The following KRT85 variants were observed in gnomAD, a reference collection of about 807,000 sequenced individuals.
KRT85 encodes keratin 85, also known as keratin, type II cuticular Hb5.
Under a neutral mutation model 53.7 loss-of-function variants are expected in KRT85, and 39 were observed. The ratio of observed to expected loss-of-function variants is 0.73; its 90% CI spans 0.56 to 0.95. The LOEUF is 0.95. Ranked by LOEUF, KRT85 falls within the 40% of genes least tolerant of loss-of-function variation. The pLI, the probability that KRT85 is intolerant of heterozygous loss-of-function variation, is 0.00. For missense variants in KRT85, 668 were observed against 686.0 expected, an observed-to-expected ratio of 0.97 and a Z score of 0.29; for synonymous variants, 291 against 277.5, an observed-to-expected ratio of 1.05 and a Z score of -0.48.
chr12:52,360,470 G>A lies in KRT85; in HGVS notation c.*383C>T. 3.7e-6 allele frequency: 1 copy of A among 268,052 alleles called. No individual in the cohort carries two copies. The highest frequency in any genetic ancestry group is 4.3e-5 in the South Asian group (1 of 23,262). The allele number at this position is 268,052 out of a possible 1,614,324, so 16.6% of individuals were successfully genotyped here. On this transcript the variant is annotated 3_prime_UTR_variant, in exon 9 of 9. Coordinates refer to ENST00000257901, the MANE Select transcript of KRT85 (RefSeq NM_002283.4). ...CTCCCTGATTCTCGGGTTGTGGGTGGCCTGGCTGGATGGTTAGGATGGCGC... is the reference window on the plus strand; with the variant it reads ...CTCCCTGATTCTCGGGTTGTGGGTGACCTGGCTGGATGGTTAGGATGGCGC...
chr12:52,362,185 G>A, intron 7 of KRT85, 66 bp downstream of exon 7: 4 of 1,611,394 alleles, frequency 2.5e-6, no homozygotes, highest in Non-Finnish European at 3.4e-6. Flanking sequence ...CTCAGCTCAA[G>A]GAAATTCACT....
At position 52,362,305 on chromosome 12, in the gene KRT85, C is replaced by A; in HGVS notation, c.1244G>T (p.Gly415Val). The A allele has an allele frequency of 6.2e-7, 1 of 1,614,156 alleles. No homozygotes were observed. ...EYQEVMNSKL[G>V]LDIEIATYRR... is the part of the protein sequence containing the mutation. ...GTAGGTGGCGATCTCGATGTCCAGGCCCAGCTTGGAGTTCATCACCTCCTG... is the reference window on the plus strand; with the variant it reads ...GTAGGTGGCGATCTCGATGTCCAGGACCAGCTTGGAGTTCATCACCTCCTG... The change falls in exon 7 of 9, where the codon GGC becomes GTC. Residue 415 changes from glycine (G) to valine (V), a missense_variant. Gly to Val is a moderately radical substitution (Grantham distance 109). Coordinates refer to ENST00000257901, the MANE Select transcript of KRT85 (RefSeq NM_002283.4).
At chr12:52,363,508 G>C (rs557126652) in intron 4 of KRT85, 98 bp from the exon 5 acceptor site, 2 of 1,327,354 alleles carry the variant, frequency 1.5e-6, no homozygotes, top group Non-Finnish European at 2.1e-6. Context: ...CCGGGCACTG[G>C]TCATGAAGGT....
chr12:52,360,750 A>C lies in KRT85; in HGVS notation c.*103T>G. 7.6e-7 allele frequency: 1 copy of C among 1,320,966 alleles called. No individual in the cohort carries two copies. 81.8% of individuals were successfully genotyped at this position (1,320,966 alleles called of 1,614,324 possible). A position where few individuals can be genotyped will look rare whatever the true frequency, so the allele number is the denominator to read the frequency against. The stretch of plus-strand genomic sequence containing the variant: ...GGTCTTTCCCTCTGTAGGAACATCC[A>C]GAAGATTCTGGAAGCAAGCACACAT... On this transcript the variant is annotated 3_prime_UTR_variant, in exon 9 of 9. Transcript: ENST00000257901.
intron 1 of KRT85, among the ~76,000 whole-genome samples, chr12:52,365,875 C>T (rs1454681350): frequency 1.3e-5 from 2 of 152,160 alleles, no homozygotes; most frequent in Non-Finnish European, 2.9e-5. Flanking sequence ...CTCGTATACA[C>T]CCCCTTAGCT....
intron 7 of KRT85, among the ~76,000 whole-genome samples, chr12:52,361,785 T>C (rs1171160445): frequency 6.6e-6 from 1 of 151,380 alleles, no homozygotes; most frequent in African/African-American, 2.4e-5. Flanking sequence ...GGAAGGAGAG[T>C]TGAATCAGAT....
At chr12:52,366,929 C>T in intron 1 of KRT85, 57 bp downstream of exon 1, 3 of 1,613,832 alleles carry the variant, frequency 1.9e-6, no homozygotes, top group Non-Finnish European at 2.5e-6. Context: ...AGACTGGGAC[C>T]TCCCCAAGGG....
At chr12:52,363,091 G>T in intron 5 of KRT85, 112 bp from the exon 6 acceptor site, 2 of 1,567,510 alleles carry the variant, frequency 1.3e-6, no homozygotes, top group Non-Finnish European at 1.7e-6. Flanking sequence ...ACCACACATG[G>T]CAGTCCTGCC....
chr12:52,364,901 G>A lies in KRT85; in HGVS notation c.629+61C>T. 1.9e-6 allele frequency: 3 copies of A among 1,611,430 alleles called. No homozygotes were observed. In the South Asian group the frequency reaches 3.3e-5, roughly 18 times the overall value. On this transcript the variant is annotated intron_variant, in intron 2 of 8. Transcript: ENST00000257901. ...AGAAGCTGTGGCAAGAGGGCTATGGGCAGAGCCTCCCAGCATTCTCTCTGA... is the reference window on the plus strand; with the variant it reads ...AGAAGCTGTGGCAAGAGGGCTATGGACAGAGCCTCCCAGCATTCTCTCTGA...
Position 52,365,107 on chromosome 12 carries a change from G to T in KRT85, c.484C>A (p.Arg162Ser). Reference protein sequence around the residue: ...ETKWQFYQNQRCCESNLEPLF... With the variant: ...ETKWQFYQNQSCCESNLEPLF... ...GGCTCCAGGTTGCTCTCGCAGCAGC[G>T]CTGGTTCTGGTAGAACTGCCACTTG... is the stretch of plus-strand genomic sequence containing the variant. The change falls in exon 2 of 9, where the codon CGC becomes AGC. Residue 162 changes from arginine to serine, a missense_variant. Coordinates refer to ENST00000257901, the MANE Select transcript of KRT85 (RefSeq NM_002283.4). 1.2e-6 allele frequency: 2 copies of T among 1,614,214 alleles called. No individual in the cohort carries two copies. Among genetic ancestry groups the T allele is most frequent in the Non-Finnish European group, 8.5e-7 (1 of 1,180,056 alleles).
At chr12:52,366,316 GACT>G (rs1297842037) in intron 1 of KRT85, among the ~76,000 whole-genome samples, 1 of 152,232 alleles carries the variant, frequency 6.6e-6, no homozygotes, top group African/African-American at 2.4e-5. Context: ...ATTGAGTGCT[GACT>G]ATTTGCCATC....
intron 5 of KRT85, 37 bp downstream of exon 5, chr12:52,363,209 T>C (rs1056168827): frequency 4.3e-6 from 7 of 1,613,446 alleles, no homozygotes; most frequent in Non-Finnish European, 5.9e-6. Flanking sequence ...TCCCTCCCAC[T>C]GCCATGCTTA....
Position 52,360,509 on chromosome 12 carries a change from G to T in KRT85, c.*344C>A. 1 of 323,756 alleles carries T rather than the reference G, an allele frequency of 3.1e-6. No homozygotes were observed. Among genetic ancestry groups the T allele is most frequent in the East Asian group, 7.8e-5 (1 of 12,786 alleles). The allele number at this position is 323,756 out of a possible 1,614,324, so 20.1% of individuals were successfully genotyped here. A position where few individuals can be genotyped will look rare whatever the true frequency, so the allele number is the denominator to read the frequency against. On this transcript the variant is annotated 3_prime_UTR_variant, in exon 9 of 9. Transcript: ENST00000257901. ...TTAGGATGGCGCCTCCACCCAGAAG[G>T]TGGAGCTTCCGTGCTGACCACCACG...
Position 52,363,229 on chromosome 12 carries a change from T to C in KRT85, c.951+17A>G. The stretch of plus-strand genomic sequence containing the variant: ...CCCACTGCCATGCTTAGCAGGCAGG[T>C]GTCCTGTGCCACTCACCTTGCTACG... On this transcript the variant is annotated intron_variant, in intron 5 of 8. Transcript: ENST00000257901. 6.2e-7 allele frequency: 1 copy of C among 1,614,094 alleles called. No individual in the cohort carries two copies. Among genetic ancestry groups the C allele is most frequent in the Non-Finnish European group, 8.5e-7 (1 of 1,179,916 alleles).
chr12:52,363,555 C>T (rs908693341), intron 4 of KRT85, 145 bp from the exon 5 acceptor site: 19 of 866,538 alleles, frequency 2.2e-5, no homozygotes, highest in Non-Finnish European at 3.0e-5. Context: ...CACTCATGCA[C>T]AGGCTCCTTA....
chr12:52,364,041 C>A (rs1368096715), intron 4 of KRT85, 27 bp downstream of exon 4: 1 of 1,583,846 alleles, frequency 6.3e-7, no homozygotes, highest in South Asian at 1.1e-5. Context: ...TCCACCTGCC[C>A]TGGCTGGGTG....
At chr12:52,366,082 G>A (rs1020302132) in intron 1 of KRT85, among the ~76,000 whole-genome samples, 6 of 152,164 alleles carry the variant, frequency 3.9e-5, no homozygotes, top group African/African-American at 1.4e-4. Flanking sequence ...TGTGAAGGAG[G>A]CTCCCAGCCT....
Position 52,361,013 on chromosome 12 carries a change from C to A in KRT85, c.1364G>T (p.Gly455Val). The change falls in exon 9 of 9, where the codon GGG becomes GTG. Residue 455 changes from glycine (G) to valine (V), a missense_variant. Transcript: ENST00000257901. ...VSSSRGGVSC[G>V]GLSYSTTPGR... is the part of the protein sequence containing the mutation. ...TGGGGTGGTGCTGTAGGAGAGGCCCCCACAGGAGACTCCACCACGGGAGCT... is the reference window on the plus strand; with the variant it reads ...TGGGGTGGTGCTGTAGGAGAGGCCCACACAGGAGACTCCACCACGGGAGCT... 6.2e-7 allele frequency: 1 copy of A among 1,613,462 alleles called. No homozygotes were observed. Among genetic ancestry groups the A allele is most frequent in the Non-Finnish European group, 8.5e-7 (1 of 1,179,778 alleles).
intron 8 of KRT85, 40 bp downstream of exon 8, chr12:52,361,427 A>G (rs778339069): frequency 6.2e-7 from 1 of 1,606,874 alleles, no homozygotes; most frequent in Non-Finnish European, 8.5e-7. Flanking sequence ...TTTCTATCAA[A>G]AAAGCCATTT....
Sources: allele counts gnomAD v4.1 joint callset (sites outside exome capture counted in the v4.1 genomes callset), GRCh38; gene constraint gnomAD v4.1.1; transcripts MANE v1.5; gene names NCBI Gene and HGNC (gene_info 2026-07-23, HGNC 2026-07-21).